SLC12A3: variants seen among roughly 807,000 people sequenced by gnomAD.
SLC12A3 encodes Na-Cl cotransporter.
In SLC12A3, 104 loss-of-function variants were observed where a neutral mutation model predicts 121.0. The ratio of observed to expected loss-of-function variants is 0.86; its 90% CI spans 0.73 to 1.01. SLC12A3 has a LOEUF of 1.01. Among genes scored for constraint, SLC12A3 ranks in the 50% least tolerant of loss-of-function variants. SLC12A3 has a pLI of 0.00. For missense variants in SLC12A3, 1,328 were observed against 1,356.3 expected, an observed-to-expected ratio of 0.98 and a Z score of 0.33; for synonymous variants, 536 against 533.4, an observed-to-expected ratio of 1.00 and a Z score of -0.07.
rs777045692 is a variant in SLC12A3 at position 56,878,113 on chromosome 16, G to A, written c.1132G>A (p.Ala378Thr). The A allele has an allele frequency of 1.3e-6, 2 of 1,563,592 alleles. No homozygotes were observed. The highest frequency in any genetic ancestry group is 3.5e-5 in the Admixed American group (2 of 56,910). Residue 378 changes from alanine to threonine, a missense_variant, in exon 9 of 26, where the codon GCC becomes ACC. Ala to Thr is a moderately conservative substitution (Grantham distance 58). Coordinates refer to ENST00000563236, the MANE Select transcript of SLC12A3 (RefSeq NM_001126108.2). ...AIAIPKGTLM[A>T]IFWTTISYLA... is the part of the protein sequence containing the mutation. ...AGCCATCCCCAAGGGGACCCTCATG[G>A]CCATTTTCTGGACGACCATTTCCTA...
At chr16:56,892,246 G>A (rs772144441) in intron 20 of SLC12A3, 113 bp downstream of exon 20, 5 of 972,168 alleles carry the variant, frequency 5.1e-6, no homozygotes, top group Middle Eastern at 2.1e-4. Flanking sequence ...TCGAGGACAG[G>A]TGGTTTTTTC....
chr16:56,877,716 C>A (rs1422588665), intron 8 of SLC12A3, among the ~76,000 whole-genome samples: 35 of 152,232 alleles, frequency 2.3e-4, no homozygotes, highest in Non-Finnish European at 1.6e-4. Flanking sequence ...CAGAGCCCAC[C>A]ACCCTGCCCC....
chr16:56,884,949 T>C (rs1477585681), intron 14 of SLC12A3, among the ~76,000 whole-genome samples: 1 of 152,162 alleles, frequency 6.6e-6, no homozygotes, highest in Admixed American at 6.5e-5. Flanking sequence ...GTATTTTTAG[T>C]AGAGACAGGG....
chr16:56,891,277 T>A (rs1156971191), intron 19 of SLC12A3, among the ~76,000 whole-genome samples: 4 of 138,624 alleles, frequency 2.9e-5, no homozygotes, highest in African/African-American at 1.1e-4. Flanking sequence ...GAAGCTGAGA[T>A]GGGAGGATCG....
intron 16 of SLC12A3, among the ~76,000 whole-genome samples, chr16:56,886,713 C>T (rs1274302841): frequency 2.6e-5 from 4 of 152,134 alleles, no homozygotes; most frequent in African/African-American, 9.7e-5. Flanking sequence ...CATTCTCTCC[C>T]CTTCCTGGCC....
At chr16:56,880,547 A>C (rs2055227259) in intron 12 of SLC12A3, among the ~76,000 whole-genome samples, 1 of 152,124 alleles carries the variant, frequency 6.6e-6, no homozygotes, top group African/African-American at 2.4e-5. Context: ...GTCTGCGTTC[A>C]CATGTCCTGG....
rs2144719500 is a variant in SLC12A3, at chr16:56,882,447, A to G, written c.1619A>G (p.Tyr540Cys). Residue 540 changes from tyrosine to cysteine, a missense_variant, in exon 13 of 26, where the codon TAT becomes TGT. Transcript: ENST00000563236. ...ATTTCCAACTTCTTCCTCTGCTCCT[A>G]TGCCCTCATCAACTTCAGCTGCTTC... is the stretch of plus-strand genomic sequence containing the variant. ...PIISNFFLCSYALINFSCFHA... is the reference protein window; with the variant it reads ...PIISNFFLCSCALINFSCFHA... The G allele has an allele frequency of 1.2e-6, 2 of 1,613,996 alleles. No homozygotes were observed. The highest frequency in any genetic ancestry group is 1.7e-6 in the Non-Finnish European group (2 of 1,179,998).
At chr16:56,892,907 A>G in intron 20 of SLC12A3, 46 bp from the exon 21 acceptor site, 2 of 1,523,742 alleles carry the variant, frequency 1.3e-6, no homozygotes, top group Non-Finnish European at 1.8e-6. Context: ...GCCTGCCTGG[A>G]TGCGCGGCTG....
chr16:56,911,577 G>T (rs544883095), intron 25 of SLC12A3, among the ~76,000 whole-genome samples: 1 of 152,120 alleles, frequency 6.6e-6, no homozygotes. Context: ...TGCCCACCTC[G>T]GCCTCCCAAA....
chr16:56,913,296 C>T lies in SLC12A3; in HGVS notation c.2957C>T (p.Pro986Leu). 6.2e-7 allele frequency: 1 copy of T among 1,614,174 alleles called. No homozygotes were observed. The highest frequency in any genetic ancestry group is 8.5e-7 in the Non-Finnish European group (1 of 1,180,040). Residue 986 changes from proline (P) to leucine (L), a missense_variant, in exon 26 of 26, where the codon CCC (proline) becomes CTC (leucine). Coordinates refer to ENST00000563236, the MANE Select transcript of SLC12A3 (RefSeq NM_001126108.2). ...TLPIGRKGKC[P>L]SSLYMAWLET... ...CCCATAGGGAGGAAGGGGAAGTGCCCCAGCTCGCTGTACATGGCCTGGCTG... is the reference window on the plus strand; with the variant it reads ...CCCATAGGGAGGAAGGGGAAGTGCCTCAGCTCGCTGTACATGGCCTGGCTG...
At position 56,899,579 on chromosome 16, in the gene SLC12A3, A is replaced by G; in HGVS notation, c.2683A>G (p.Ile895Val). The G allele has an allele frequency of 6.2e-7, 1 of 1,614,158 alleles. No individual in the cohort carries two copies. Among genetic ancestry groups the G allele is most frequent in the Non-Finnish European group, 8.5e-7 (1 of 1,179,986 alleles). The change falls in exon 23 of 26, where the codon ATC becomes GTC. Residue 895 changes from isoleucine to valine, a missense_variant. Ile to Val is a conservative substitution (Grantham distance 29). Coordinates refer to ENST00000563236, the MANE Select transcript of SLC12A3 (RefSeq NM_001126108.2). ...KFRLGFHEVH[I>V]LPDINQNPRA... ...CCGACTGGGATTCCATGAAGTCCAC[A>G]TCCTCCCTGACATCAACCAGAACCC... is the stretch of plus-strand genomic sequence containing the variant.
intron 17 of SLC12A3, 125 bp from the exon 18 acceptor site, chr16:56,887,786 ATATATATATATATT>A (rs1344776246): frequency 6.0e-5 from 6 of 99,768 alleles, no homozygotes; most frequent in Admixed American, 2.6e-4. Context: ...ATATATATAT[ATATATATATATATT>A]TTTTTTTTTT....
At position 56,865,213 on chromosome 16, in the gene SLC12A3, C is replaced by T; in HGVS notation, c.-23C>T. On this transcript the variant is annotated 5_prime_UTR_variant, in exon 1 of 26. Coordinates refer to ENST00000563236, the MANE Select transcript of SLC12A3 (RefSeq NM_001126108.2). ...CTGTGTGTCCTTGCGGATCCTGGCC[C>T]CTCCCTGGACACCCAGGCGACAATG... The T allele has an allele frequency of 1.2e-6, 2 of 1,612,742 alleles. No individual in the cohort carries two copies. The highest frequency in any genetic ancestry group is 1.3e-5 in the African/African-American group (1 of 75,038).
intron 25 of SLC12A3, among the ~76,000 whole-genome samples, chr16:56,908,161 C>CTTTTTTTTTTTTTTGTTTTTT (rs2055633068): frequency 1.0e-5 from 1 of 96,994 alleles, no homozygotes; most frequent in Non-Finnish European, 1.9e-5. Flanking sequence ...AGTGATATAA[C>CTTTTTTTTTTTTTTGTTTTTT]TTTTTTTTTT....
chr16:56,871,595 C>A (rs1309361202), intron 6 of SLC12A3, among the ~76,000 whole-genome samples: 1 of 152,230 alleles, frequency 6.6e-6, no homozygotes, highest in East Asian at 1.9e-4. Flanking sequence ...CTGGACAGTT[C>A]TCTGGCTTGT....
rs181156296 is a variant in SLC12A3 at position 56,867,232 on chromosome 16, G to A, written c.429+16G>A. 2.5e-6 allele frequency: 4 copies of A among 1,598,274 alleles called. No homozygotes were observed. In the Admixed American group the frequency reaches 7.1e-5, roughly 28 times the overall value. ...GGGGGTGATGGTGAGTGGGGTGTGG[G>A]TGGTGCGTGATGTCCAGAAATGGGG... is the stretch of plus-strand genomic sequence containing the variant. On this transcript the variant is annotated intron_variant, in intron 2 of 25. Transcript: ENST00000563236.
At chr16:56,889,337 T>C (rs1005973638) in intron 18 of SLC12A3, among the ~76,000 whole-genome samples, 32 of 152,196 alleles carry the variant, frequency 2.1e-4, no homozygotes, top group Non-Finnish European at 4.1e-4. Context: ...GTCCTGGAGA[T>C]ATGTGATCTA....
intron 22 of SLC12A3, among the ~76,000 whole-genome samples, chr16:56,896,730 G>A (rs560897415): frequency 1.2e-4 from 19 of 152,344 alleles, no homozygotes; most frequent in Non-Finnish European, 2.2e-4. Flanking sequence ...CTGGGTGAAA[G>A]AACAGATGCT....
chr16:56,904,795 C>T (rs1385614604), intron 25 of SLC12A3: 1 of 367,350 alleles, frequency 2.7e-6, no homozygotes, highest in African/African-American at 2.1e-5. Flanking sequence ...AGAGGGACAT[C>T]AACTCCTGGT....
Sources: gnomAD v4.1 joint callset for allele counts (sites outside exome capture counted in the v4.1 genomes callset) on GRCh38, gnomAD v4.1.1 for gene constraint, MANE v1.5 for transcripts, NCBI Gene and HGNC (gene_info 2026-07-23, HGNC 2026-07-21) for gene names.